GLIS3: variants seen among roughly 807,000 people sequenced by gnomAD.
The protein encoded by GLIS3 is zinc finger protein GLIS3.
A neutral mutation model predicts 78.6 loss-of-function variants in GLIS3; 53 were observed. The ratio of observed to expected loss-of-function variants is 0.67; its 90% CI spans 0.54 to 0.85. The LOEUF (loss-of-function observed/expected upper bound fraction) is 0.85. GLIS3 is among the 40% of genes least tolerant of loss of function. The pLI is 0.00. For missense variants in GLIS3, 1,703 were observed against 1,231.1 expected, an observed-to-expected ratio of 1.38 and a Z score of -5.74; for synonymous variants, 684 against 509.9, an observed-to-expected ratio of 1.34 and a Z score of -4.60.
the GLIS3 span, among the ~76,000 whole-genome samples, chr9:4,409,091 T>A: frequency 6.6e-6 from 1 of 152,312 alleles, no homozygotes; most frequent in East Asian, 1.9e-4. Context: ...TTTCTGTAAC[T>A]CATAAACCAG....
the GLIS3 span, among the ~76,000 whole-genome samples, chr9:4,466,609 G>A: frequency 6.6e-6 from 1 of 152,172 alleles, no homozygotes; most frequent in African/African-American, 2.4e-5. Flanking sequence ...GATTTATACT[G>A]GAAATGCAGG....
At chr9:4,478,454 T>C in the GLIS3 span, among the ~76,000 whole-genome samples, 2 of 151,952 alleles carry the variant, frequency 1.3e-5, no homozygotes, top group Non-Finnish European at 1.5e-5. Flanking sequence ...CTACTAAAAA[T>C]ACAAAAATTA....
In GLIS3 at chr9:4,279,316, T is replaced by A. The variant is rs10120162; in HGVS notation, c.388+6722A>T. On this transcript the variant is annotated intron_variant, in intron 2 of 10. Coordinates refer to ENST00000381971, the MANE Select transcript of GLIS3 (RefSeq NM_001042413.2). ...CCATCTCAAAAAAAAAAAAAAAAAA[T>A]ATATATATACACACACACACACACA... is the stretch of plus-strand genomic sequence containing the variant. Among the ~76,000 whole-genome samples the A allele has an allele frequency of 3.6e-3, 153 of 42,768 alleles. 1 individual carries two copies. Among genetic ancestry groups the A allele is most frequent in the Middle Eastern group, 0.011 (1 of 88 alleles). The allele number at this position is 42,768 out of a possible 152,430, so 28.1% of individuals were successfully genotyped here.
At chr9:4,055,326 T>C (rs1468893017) in intron 4 of GLIS3, among the ~76,000 whole-genome samples, 1 of 152,174 alleles carries the variant, frequency 6.6e-6, no homozygotes, top group Admixed American at 6.5e-5. Context: ...TCCAGGTGCA[T>C]TTAAATCAAG....
At chr9:4,186,530 G>C (rs962987635) in intron 2 of GLIS3, among the ~76,000 whole-genome samples, 1 of 151,490 alleles carries the variant, frequency 6.6e-6, no homozygotes, top group Non-Finnish European at 1.5e-5. Context: ...GGGATGGCTG[G>C]GTCAAATGGT....
At chr9:4,390,734 G>T in the GLIS3 span, among the ~76,000 whole-genome samples, 1 of 152,096 alleles carries the variant, frequency 6.6e-6, no homozygotes, top group African/African-American at 2.4e-5. Context: ...TCCACTGTGG[G>T]ACAGGACAGA....
intron 2 of GLIS3, among the ~76,000 whole-genome samples, chr9:4,333,020 T>C (rs937703378): frequency 6.6e-6 from 1 of 152,262 alleles, no homozygotes; most frequent in Non-Finnish European, 1.5e-5. Context: ...AGCTGCTTTA[T>C]CTAAGTCATC....
At chr9:4,352,485 A>T (rs1817985420), upstream of GLIS3, among the ~76,000 whole-genome samples, 1 of 152,292 alleles carries the variant, frequency 6.6e-6, no homozygotes, top group African/African-American at 2.4e-5. Flanking sequence ...GGGTAAACCC[A>T]AGGGCCTTCC....
intron 4 of GLIS3, among the ~76,000 whole-genome samples, chr9:4,023,530 C>T (rs1241588160): frequency 6.6e-6 from 1 of 152,192 alleles, no homozygotes; most frequent in Non-Finnish European, 1.5e-5. Context: ...GCAAGAAAGT[C>T]TCAGAACTTT....
intron 4 of GLIS3, among the ~76,000 whole-genome samples, chr9:3,999,955 C>T (rs56890453): frequency 0.023 from 3,506 of 152,000 alleles, 124 homozygotes; most frequent in African/African-American, 0.067. Flanking sequence ...CATTAATATA[C>T]GAAAAAGGTA....
the GLIS3 span, among the ~76,000 whole-genome samples, chr9:4,474,429 T>C: frequency 3.0e-4 from 46 of 152,224 alleles, 1 homozygote; most frequent in Middle Eastern, 0.02. Flanking sequence ...CATATACATA[T>C]GCCAAAGTCA....
At chr9:4,488,755 T>G in the GLIS3 span, among the ~76,000 whole-genome samples, 1,964 of 152,308 alleles carry the variant, frequency 0.013, 46 homozygotes, top group African/African-American at 0.045. Context: ...TGACCTCAAG[T>G]GATCCGCCTG....
chr9:4,053,723 A>AAAAAAAAAAAAAAAAAT (rs33993580), intron 4 of GLIS3, among the ~76,000 whole-genome samples: 6 of 151,118 alleles, frequency 4.0e-5, no homozygotes, highest in African/African-American at 1.5e-4. Flanking sequence ...AAAAAAAAAA[A>AAAAAAAAAAAAAAAAAT]TTCTGGATAG....
In GLIS3 at chr9:4,319,534, CT is replaced by C. The variant is rs5896062; in HGVS notation, n.265-9007del. Among the ~76,000 whole-genome samples the C allele has an allele frequency of 6.2e-4, 94 of 150,568 alleles. 2 individuals carry two copies. In the East Asian group the frequency reaches 0.015, roughly 24 times the overall value. On this transcript the variant is annotated intron_variant and non_coding_transcript_variant, in intron 2 of 4. Transcript: ENST00000471664. ...TTTTGGTAAAATCCAAATACTAACA[CT>C]TTTTTTTTTCTAGAAACAGGTTCTT...
chr9:4,473,240 G>C, the GLIS3 span, among the ~76,000 whole-genome samples: 4 of 152,092 alleles, frequency 2.6e-5, no homozygotes, highest in Admixed American at 6.6e-5. Context: ...GCCATAGAAA[G>C]AATGAGATCA....
chr9:4,105,042 C>T (rs1027671499), intron 4 of GLIS3, among the ~76,000 whole-genome samples: 6 of 152,032 alleles, frequency 3.9e-5, no homozygotes, highest in African/African-American at 4.8e-5. Flanking sequence ...AAAATGTAAG[C>T]CAAATATTTA....
intron 7 of GLIS3, among the ~76,000 whole-genome samples, chr9:3,894,457 A>G: frequency 6.6e-6 from 1 of 152,116 alleles, no homozygotes; most frequent in Non-Finnish European, 1.5e-5. Flanking sequence ...TCAATTTAAG[A>G]ATGTAGAAAA....
At chr9:3,833,453 A>G (rs1020615254) in intron 9 of GLIS3, among the ~76,000 whole-genome samples, 1 of 152,224 alleles carries the variant, frequency 6.6e-6, no homozygotes, top group African/African-American at 2.4e-5. Flanking sequence ...GTTGGATTTC[A>G]CATAGCAAAT....
In GLIS3 at chr9:4,033,169, G is replaced by A. The variant is rs138774348; in HGVS notation, c.1710+84599C>T. On this transcript the variant is annotated intron_variant, in intron 4 of 10. Transcript: ENST00000381971. ...CACCTGGCTGGAATTGAGAATTCTT[G>A]AACTTCTCAGAGTTCTGCACCAGAA... Among the ~76,000 whole-genome samples, 369 of 152,258 alleles carry A rather than the reference G, an allele frequency of 2.4e-3. 1 individual carries two copies. Among genetic ancestry groups the A allele is most frequent in the African/African-American group, 6.9e-3 (287 of 41,552 alleles).
Sources: allele counts gnomAD v4.1 joint callset (sites outside exome capture counted in the v4.1 genomes callset), GRCh38; gene constraint gnomAD v4.1.1; transcripts MANE v1.5; gene names NCBI Gene and HGNC (gene_info 2026-07-23, HGNC 2026-07-21).